The following EXOC5 variants were observed in gnomAD, a reference collection of about 807,000 sequenced individuals.
The protein encoded by EXOC5 is exocyst complex component 5, also known as SEC10-like 1.
EXOC5 carries 17 observed loss-of-function variants against 90.8 expected under a neutral mutation model. The observed-to-expected ratio is 0.19, with a 90% confidence interval of 0.13 to 0.28. EXOC5 has a LOEUF of 0.28. EXOC5 is among the 10% of genes least tolerant of loss of function. The pLI, the probability that EXOC5 is intolerant of heterozygous loss-of-function variation, is 1.00. For synonymous variants in EXOC5, 260 were observed against 270.0 expected (o/e 0.96, Z 0.36); for missense variants, 569 against 830.6 (o/e 0.69, Z 3.87).
chr14:57,222,424 A>G lies in EXOC5; in HGVS notation c.1297-8T>C, dbSNP rs749206314. 1 of 1,521,378 alleles carries G rather than the reference A, an allele frequency of 6.6e-7. No homozygotes were observed. The highest frequency in any genetic ancestry group is 1.2e-5 in the South Asian group (1 of 83,518). 94.2% of individuals were successfully genotyped at this position (1,521,378 alleles called of 1,614,324 possible). On this transcript the variant is annotated splice_polypyrimidine_tract_variant and splice_region_variant and intron_variant, in intron 12 of 17. Transcript: ENST00000621441. ...GTCAGAAGGATCAGAGAGCTTAAAAACAAAAATCAAACAATATCACTCCTC... is the reference window on the plus strand; with the variant it reads ...GTCAGAAGGATCAGAGAGCTTAAAAGCAAAAATCAAACAATATCACTCCTC...
chr14:57,241,668 T>C (rs542532369), intron 4 of EXOC5, among the ~76,000 whole-genome samples: 3 of 152,342 alleles, frequency 2.0e-5, no homozygotes, highest in African/African-American at 7.2e-5. Context: ...ATACAACATT[T>C]AGTCAGTTAA....
In EXOC5 at chr14:57,268,738, G is replaced by C. The variant is rs1011284191; in HGVS notation, c.-90C>G. On this transcript the variant is annotated 5_prime_UTR_variant, in exon 1 of 18. Coordinates refer to ENST00000621441, the MANE Select transcript of EXOC5 (RefSeq NM_006544.4). Reference sequence around the variant, plus strand: ...AGGCGCGGCGCACAGGTCTCCGCTCGGCTCGCCAGCTCCGGCTCCGGGCCG... The same window carrying C: ...AGGCGCGGCGCACAGGTCTCCGCTCCGCTCGCCAGCTCCGGCTCCGGGCCG... The C allele has an allele frequency of 1.1e-5, 16 of 1,498,454 alleles. No individual in the cohort carries two copies. In the Middle Eastern group the frequency reaches 7.1e-4, roughly 67 times the overall value. The allele number at this position is 1,498,454 out of a possible 1,614,324, so 92.8% of individuals were successfully genotyped here.
chr14:57,232,839 A>C (rs1342105982), intron 9 of EXOC5, 90 bp from the exon 10 acceptor site: 5 of 601,350 alleles, frequency 8.3e-6, no homozygotes, highest in Non-Finnish European at 1.4e-5. Context: ...TTCACTCCAC[A>C]GTTTTGAACC....
chr14:57,265,062 A>G (rs913862239), intron 1 of EXOC5, among the ~76,000 whole-genome samples: 44 of 152,054 alleles, frequency 2.9e-4, no homozygotes, highest in African/African-American at 1.1e-3. Context: ...TCTTTAACAT[A>G]TTAAGGTATA....
rs959442049 is a variant in EXOC5, at chr14:57,268,717, G to A, written c.-69C>T. 34 of 1,538,162 alleles carry A rather than the reference G, an allele frequency of 2.2e-5. No homozygotes were observed. Among genetic ancestry groups the A allele is most frequent in the Non-Finnish European group, 2.9e-5 (33 of 1,149,784 alleles). On this transcript the variant is annotated 5_prime_UTR_variant, in exon 1 of 18. Coordinates refer to ENST00000621441, the MANE Select transcript of EXOC5 (RefSeq NM_006544.4). ...GCTTCACATGCTGCGCCTCAGAGGC[G>A]CGGCGCACAGGTCTCCGCTCGGCTC...
intron 9 of EXOC5, among the ~76,000 whole-genome samples, chr14:57,233,515 T>C (rs1353638414): frequency 1.3e-5 from 2 of 152,118 alleles, no homozygotes; most frequent in African/African-American, 4.8e-5. Context: ...CTACGAATAC[T>C]ACACAAATTT....
At chr14:57,253,598 T>A (rs1160221349) in intron 1 of EXOC5, among the ~76,000 whole-genome samples, 1 of 152,104 alleles carries the variant, frequency 6.6e-6, no homozygotes, top group Non-Finnish European at 1.5e-5. Flanking sequence ...ACCTTCTAAT[T>A]TCAAAACTTA....
intron 5 of EXOC5, 81 bp from the exon 6 acceptor site, chr14:57,237,447 A>T: frequency 1.2e-6 from 1 of 841,800 alleles, no homozygotes; most frequent in Non-Finnish European, 1.9e-6. Flanking sequence ...CCAAATGGGA[A>T]ACTGGGTGCA....
At position 57,244,324 on chromosome 14, in the gene EXOC5, G is replaced by A. The variant is rs1883968789; in HGVS notation, c.306C>T (p.His102=). 2.5e-6 allele frequency: 4 copies of A among 1,613,778 alleles called. No homozygotes were observed. Among genetic ancestry groups the A allele is most frequent in the Non-Finnish European group, 3.4e-6 (4 of 1,179,796 alleles). ...AGACTTTAGTTGCTACATAGCTAAT[G>A]TGCTCATCTAGTTCTTGGAAATGTT... The part of the protein sequence containing the change: ...AFQHFQELDE[H]ISYVATKVCH... Residue 102 remains histidine, a synonymous_variant, in exon 4 of 18, where the codon CAC becomes CAT. Transcript: ENST00000621441.
Position 57,202,645 on chromosome 14 carries a change from T to C in EXOC5, c.*5964A>G, listed in dbSNP as rs1445573591. 3.9e-5 allele frequency: 6 copies of C among 152,216 alleles called. No individual in the cohort carries two copies. The highest frequency in any genetic ancestry group is 2.1e-4 in the South Asian group (1 of 4,836). 9.4% of individuals were successfully genotyped at this position (152,216 alleles called of 1,614,324 possible). ...GTGATATATAACTAAGAAAACATAATGTTAATCATGGTAAACTTTGTTCAA... is the reference window on the plus strand; with the variant it reads ...GTGATATATAACTAAGAAAACATAACGTTAATCATGGTAAACTTTGTTCAA... On this transcript the variant is annotated 3_prime_UTR_variant, in exon 18 of 18. Transcript: ENST00000621441.
chr14:57,248,119 A>G (rs1884082769), intron 1 of EXOC5, among the ~76,000 whole-genome samples: 1 of 151,334 alleles, frequency 6.6e-6, no homozygotes, highest in Admixed American at 6.6e-5. Flanking sequence ...AATTATAATG[A>G]GCAAGGCAAG....
rs1451169711 is a variant in EXOC5, at chr14:57,214,405, G to A, written c.1613+3577C>T. Among the ~76,000 whole-genome samples the A allele has an allele frequency of 2.0e-5, 3 of 152,138 alleles. No homozygotes were observed. In the South Asian group the frequency reaches 6.2e-4, roughly 31 times the overall value. Reference sequence around the variant, plus strand: ...AATGTCAGCACTCAAAAAATTTCAAGTTTCAAATTTTGAAGCATTTTTATT... The same window carrying A: ...AATGTCAGCACTCAAAAAATTTCAAATTTCAAATTTTGAAGCATTTTTATT... On this transcript the variant is annotated intron_variant, in intron 15 of 17. Transcript: ENST00000621441.
intron 12 of EXOC5, among the ~76,000 whole-genome samples, chr14:57,227,674 T>TTAGTGAGACTGAG (rs1424781712): frequency 1.3e-5 from 2 of 152,206 alleles, no homozygotes; most frequent in African/African-American, 4.8e-5. Flanking sequence ...CATTTCCCTA[T>TTAGTGAGACTGAG]TAGTGAGACT....
At position 57,207,256 on chromosome 14, in the gene EXOC5, A is replaced by T. The variant is rs1456988974; in HGVS notation, c.*1353T>A. On this transcript the variant is annotated 3_prime_UTR_variant, in exon 18 of 18. Transcript: ENST00000621441. The stretch of plus-strand genomic sequence containing the variant: ...AGAATAAGGTTCTCAGAAGAAAAGC[A>T]GTTTTCCAAAAATAGGCTAAAAAGC... 6.6e-6 allele frequency: 1 copy of T among 152,632 alleles called. No homozygotes were observed. The highest frequency in any genetic ancestry group is 3.4e-3 in the Middle Eastern group (1 of 294). The allele number at this position is 152,632 out of a possible 1,614,324, so 9.5% of individuals were successfully genotyped here.
intron 15 of EXOC5, among the ~76,000 whole-genome samples, chr14:57,213,217 T>C (rs1404403908): frequency 4.0e-4 from 60 of 151,586 alleles, no homozygotes; most frequent in Admixed American, 3.9e-3. Context: ...ACCCTATCTC[T>C]ACATATAAAA....
intron 12 of EXOC5, among the ~76,000 whole-genome samples, chr14:57,227,905 G>C (rs1446055513): frequency 6.7e-6 from 1 of 148,840 alleles, no homozygotes; most frequent in Non-Finnish European, 1.5e-5. Flanking sequence ...AACCTCACAG[G>C]GTGGTTATAT....
In EXOC5 at chr14:57,231,611, T is replaced by C. The variant is rs1245555219; in HGVS notation, c.1043A>G (p.Asn348Ser). The change falls in exon 11 of 18, where the codon AAC becomes AGC. Residue 348 changes from asparagine to serine, a missense_variant. By Grantham distance (46) the Asn-to-Ser change is conservative. Around this residue, in one of 9 missense-constraint regions of EXOC5, gnomAD observed 69 missense variants for 115.5 expected, o/e 0.60. Coordinates refer to ENST00000621441, the MANE Select transcript of EXOC5 (RefSeq NM_006544.4). ...ATATCCAGTCTCCACCTCAATATAGTTCTCCAAATAGGAAATGAAAATGGA... is the reference window on the plus strand; with the variant it reads ...ATATCCAGTCTCCACCTCAATATAGCTCTCCAAATAGGAAATGAAAATGGA... ...IKSIFISYLE[N>S]YIEVETGYLK... is the part of the protein sequence containing the mutation. 4 of 1,613,060 alleles carry C rather than the reference T, an allele frequency of 2.5e-6. No individual in the cohort carries two copies. The African/African-American group carries it at 5.3e-5, about 22-fold the overall frequency.
At chr14:57,263,722 G>A (rs1315306146) in intron 1 of EXOC5, among the ~76,000 whole-genome samples, 3 of 124,474 alleles carry the variant, frequency 2.4e-5, no homozygotes, top group African/African-American at 6.4e-5. Flanking sequence ...CTGAGATCAC[G>A]CCACTGCACT....
At position 57,208,421 on chromosome 14, in the gene EXOC5, A is replaced by G; in HGVS notation, c.*188T>C. The stretch of plus-strand genomic sequence containing the variant: ...GAGGGGAAAAAAGCAAAATATAGCT[A>G]GTGGTATCCAAACTTTAAATAAAAC... On this transcript the variant is annotated 3_prime_UTR_variant, in exon 18 of 18. Transcript: ENST00000621441. 2.3e-6 allele frequency: 1 copy of G among 425,922 alleles called. No homozygotes were observed. The allele number at this position is 425,922 out of a possible 1,614,324, so 26.4% of individuals were successfully genotyped here. A position where few individuals can be genotyped will look rare whatever the true frequency, so the allele number is the denominator to read the frequency against.
Sources: allele counts gnomAD v4.1 joint callset (sites outside exome capture counted in the v4.1 genomes callset), GRCh38; gene constraint gnomAD v4.1.1; regional missense constraint gnomAD v4.1.1; transcripts MANE v1.5; gene names NCBI Gene and HGNC (gene_info 2026-07-23, HGNC 2026-07-21).